CSMD1: variants seen among roughly 807,000 people sequenced by gnomAD.
CSMD1 encodes the protein CUB and sushi domain-containing protein 1.
CSMD1 carries 213 observed loss-of-function variants against 417.5 expected under a neutral mutation model. The ratio of observed to expected loss-of-function variants is 0.51; its 90% CI spans 0.46 to 0.57. The LOEUF (loss-of-function observed/expected upper bound fraction) is 0.57, where lower values mean the gene tolerates loss of function less well. Among genes scored for constraint, CSMD1 ranks in the 20% least tolerant of loss-of-function variants. The probability of loss-of-function intolerance (pLI) is 0.00; values close to 1 mark genes in which losing one functional copy is unlikely to be tolerated. For missense variants in CSMD1, 6,923 were observed against 4,529.7 expected (o/e 1.53, Z -15.17); for synonymous variants, 2,862 against 1,736.8 (o/e 1.65, Z -16.11).
intron 5 of CSMD1, among the ~76,000 whole-genome samples, chr8:3,831,610 CTT>C (rs1802381755): frequency 6.6e-6 from 1 of 152,170 alleles, no homozygotes; most frequent in South Asian, 2.1e-4. Context: ...AATATTATAG[CTT>C]TTCATTGCAC....
chr8:4,343,965 CAATA>C (rs1563075735), intron 3 of CSMD1, among the ~76,000 whole-genome samples: 1 of 152,086 alleles, frequency 6.6e-6, no homozygotes, highest in South Asian at 2.1e-4. Flanking sequence ...TTCATATATA[CAATA>C]AATTCTAGTA....
chr8:3,968,874 T>G (rs570337620), intron 5 of CSMD1, among the ~76,000 whole-genome samples: 3 of 152,174 alleles, frequency 2.0e-5, no homozygotes, highest in African/African-American at 4.8e-5. Context: ...CATCTTTTCT[T>G]GCAAGAAAGA....
chr8:4,300,824 G>T (rs1339875155), intron 3 of CSMD1, among the ~76,000 whole-genome samples: 1 of 152,068 alleles, frequency 6.6e-6, no homozygotes, highest in Non-Finnish European at 1.5e-5. Context: ...TGAGAATGAT[G>T]GTTTCCAGTT....
intron 3 of CSMD1, among the ~76,000 whole-genome samples, chr8:4,359,760 T>C (rs532994033): frequency 3.3e-5 from 5 of 152,262 alleles, no homozygotes; most frequent in African/African-American, 9.6e-5. Flanking sequence ...ATTCCAAGGG[T>C]CCACGTCAAG....
In CSMD1 at chr8:4,044,255, G is replaced by A. The variant is rs149925920; in HGVS notation, c.416-12156C>T. 7.8e-3 allele frequency among the ~76,000 whole-genome samples: 1,190 copies of A among 152,074 alleles called. 19 individuals carry two copies. Among genetic ancestry groups the A allele is most frequent in the African/African-American group, 0.027 (1,140 of 41,464 alleles). On this transcript the variant is annotated intron_variant, in intron 3 of 69. Coordinates refer to ENST00000635120, the MANE Select transcript of CSMD1 (RefSeq NM_033225.6). ...ACTTATTTTCTCATACTTCCTTATT[G>A]CAAATTAAAAAATATAAAAATGGCA...
chr8:4,679,290 C>A (rs1023550512), intron 1 of CSMD1, among the ~76,000 whole-genome samples: 2 of 152,178 alleles, frequency 1.3e-5, no homozygotes, highest in African/African-American at 4.8e-5. Flanking sequence ...TGACCTTACT[C>A]TGCAGATGCA....
chr8:3,800,918 C>A (rs1017240332), intron 5 of CSMD1, among the ~76,000 whole-genome samples: 6 of 152,096 alleles, frequency 3.9e-5, no homozygotes, highest in Non-Finnish European at 5.9e-5. Flanking sequence ...AAATAAACCT[C>A]TTTCTTTATA....
chr8:4,439,395 T>TCA (rs1798332903), intron 2 of CSMD1, among the ~76,000 whole-genome samples: 3 of 152,172 alleles, frequency 2.0e-5, no homozygotes, highest in Admixed American at 1.3e-4. Context: ...CTAACTTATT[T>TCA]CACGTACGTT....
chr8:4,735,634 A>G (rs187074640), intron 1 of CSMD1, among the ~76,000 whole-genome samples: 2 of 152,298 alleles, frequency 1.3e-5, no homozygotes, highest in East Asian at 1.9e-4. Context: ...TGATGAGAAG[A>G]CTAATAGAAG....
At chr8:3,392,425 G>A (rs923474916) in intron 17 of CSMD1, among the ~76,000 whole-genome samples, 1 of 151,964 alleles carries the variant, frequency 6.6e-6, no homozygotes, top group Non-Finnish European at 1.5e-5. Flanking sequence ...GGTGCTAGAC[G>A]GGGTTACCTG....
chr8:4,256,580 G>A (rs1038294625), intron 3 of CSMD1, among the ~76,000 whole-genome samples: 8 of 152,168 alleles, frequency 5.3e-5, no homozygotes, highest in Non-Finnish European at 1.2e-4. Flanking sequence ...CCCATGGGAA[G>A]GGGTTTACCC....
chr8:3,736,242 T>C (rs1268177983), intron 6 of CSMD1, among the ~76,000 whole-genome samples: 1 of 151,206 alleles, frequency 6.6e-6, no homozygotes, highest in East Asian at 1.9e-4. Flanking sequence ...TATTTTTTTG[T>C]TTTGTTTTGT....
At chr8:4,709,531 G>C (rs946155123) in intron 1 of CSMD1, among the ~76,000 whole-genome samples, 5 of 152,254 alleles carry the variant, frequency 3.3e-5, no homozygotes, top group African/African-American at 9.6e-5. Context: ...AAAGAGGGCA[G>C]AGACCTCGAG....
At chr8:3,655,602 C>A (rs1044907323) in intron 7 of CSMD1, among the ~76,000 whole-genome samples, 2 of 151,960 alleles carry the variant, frequency 1.3e-5, no homozygotes, top group Non-Finnish European at 1.5e-5. Flanking sequence ...TCCCACCAGG[C>A]CCCTCAGGCA....
intron 41 of CSMD1, among the ~76,000 whole-genome samples, chr8:3,122,116 C>G (rs540405262): frequency 2.6e-5 from 4 of 152,140 alleles, no homozygotes; most frequent in African/African-American, 9.6e-5. Context: ...TTCTGATTAA[C>G]TCAGTGCTAT....
intron 1 of CSMD1, among the ~76,000 whole-genome samples, chr8:4,793,872 T>C (rs2117246779): frequency 6.6e-6 from 1 of 151,920 alleles, no homozygotes; most frequent in East Asian, 1.9e-4. Flanking sequence ...ATTAAAAGTT[T>C]GTTAATAAGA....
chr8:4,226,216 G>C (rs1019277367), intron 3 of CSMD1, among the ~76,000 whole-genome samples: 6 of 152,048 alleles, frequency 3.9e-5, no homozygotes, highest in Admixed American at 6.5e-5. Flanking sequence ...TCTTTACCTT[G>C]AAAGGATCCC....
chr8:4,064,125 T>C (rs1480902062), intron 3 of CSMD1, among the ~76,000 whole-genome samples: 1 of 152,016 alleles, frequency 6.6e-6, no homozygotes, highest in Non-Finnish European at 1.5e-5. Context: ...TCCTAGAAAA[T>C]TGTTTCTGCC....
intron 3 of CSMD1, among the ~76,000 whole-genome samples, chr8:4,035,583 A>G (rs1001840679): frequency 6.6e-5 from 10 of 152,184 alleles, no homozygotes; most frequent in African/African-American, 2.4e-4. Context: ...TGTGTGTTTG[A>G]GTCTTAATTT....
Sources: gnomAD v4.1 joint callset for allele counts (sites outside exome capture counted in the v4.1 genomes callset) on GRCh38, gnomAD v4.1.1 for gene constraint, MANE v1.5 for transcripts, NCBI Gene and HGNC (gene_info 2026-07-23, HGNC 2026-07-21) for gene names.